The following NR1D1 variants were observed in gnomAD, a reference collection of about 807,000 sequenced individuals.
NR1D1 encodes the protein nuclear receptor subfamily 1 group D member 1.
A neutral mutation model predicts 51.1 loss-of-function variants in NR1D1; 17 were observed. That is an observed-to-expected ratio of 0.33 (90% confidence interval 0.23 to 0.50). The LOEUF is 0.50. Ranked by LOEUF, NR1D1 falls within the 20% of genes least tolerant of loss-of-function variation. The pLI, the probability that NR1D1 is intolerant of heterozygous loss-of-function variation, is 0.98. For missense variants in NR1D1, 647 were observed against 830.4 expected, an observed-to-expected ratio of 0.78 and a Z score of 2.71; for synonymous variants, 341 against 333.4, an observed-to-expected ratio of 1.02 and a Z score of -0.25.
In NR1D1 at chr17:40,099,091, G is replaced by A. The variant is rs925065104; in HGVS notation, c.31+973C>T. 3.9e-5 allele frequency among the ~76,000 whole-genome samples: 6 copies of A among 151,942 alleles called. No individual in the cohort carries two copies. In the East Asian group the frequency reaches 9.7e-4, roughly 25 times the overall value. On this transcript the variant is annotated intron_variant, in intron 1 of 7. Coordinates refer to ENST00000246672, the MANE Select transcript of NR1D1 (RefSeq NM_021724.5). ...AGCCCAGCTTCACCCAGATCTCGGC[G>A]GGGCGGGGCAGGGCGGGAGCTGGGC...
rs1246725332 is a variant in NR1D1 at position 40,097,193 on chromosome 17, G to A, written c.242C>T (p.Pro81Leu). The change falls in exon 2 of 8, where the codon CCT becomes CTT. Residue 81 changes from proline (P) to leucine (L), a missense_variant. Coordinates refer to ENST00000246672, the MANE Select transcript of NR1D1 (RefSeq NM_021724.5). ...TGACGACGAGGAAGATGAGGAAGAA[G>A]GGGAGCCGTCATCACTCAGGCTGGG... ...IPPSLSDDGSPSSSSSSSSSS... is the reference protein window; with the variant it reads ...IPPSLSDDGSLSSSSSSSSSS... The A allele has an allele frequency of 5.0e-6, 8 of 1,611,946 alleles. No homozygotes were observed. The highest frequency in any genetic ancestry group is 1.1e-5 in the South Asian group (1 of 90,894).
intron 1 of NR1D1, among the ~76,000 whole-genome samples, chr17:40,099,036 G>A (rs1230350547): frequency 1.3e-5 from 2 of 151,350 alleles, no homozygotes; most frequent in African/African-American, 2.4e-5. Context: ...CAGGCGGACC[G>A]GAAAAGGAGG....
intron 4 of NR1D1, 37 bp downstream of exon 4, chr17:40,096,406 C>A (rs759739738): frequency 6.8e-6 from 11 of 1,612,828 alleles, no homozygotes; most frequent in South Asian, 1.1e-5. Context: ...AAACTTTGGG[C>A]GGAAGAAGGG....
chr17:40,096,151 C>T, intron 4 of NR1D1, 64 bp from the exon 5 acceptor site: 1 of 1,568,182 alleles, frequency 6.4e-7, no homozygotes, highest in Non-Finnish European at 8.7e-7. Flanking sequence ...CTCTTCCTTC[C>T]TTCCTCCTGA....
rs747431988 is a variant in NR1D1 at position 40,096,814 on chromosome 17, G to A, written c.371-35C>T. ...AGACGGGCAGCAGGTGAGCAGGAGA[G>A]GCCAGGCTGAGTGGCCACAGGTGTG... On this transcript the variant is annotated intron_variant, in intron 2 of 7. Transcript: ENST00000246672. 6.9e-6 allele frequency: 11 copies of A among 1,605,014 alleles called. No individual in the cohort carries two copies. In the East Asian group the frequency reaches 2.5e-4, roughly 36 times the overall value.
chr17:40,093,796 G>C lies in NR1D1; in HGVS notation c.1645+116C>G, dbSNP rs1317538671. 28 of 870,804 alleles carry C rather than the reference G, an allele frequency of 3.2e-5. No homozygotes were observed. The highest frequency in any genetic ancestry group is 2.0e-4 in the Admixed American group (9 of 44,618). 53.9% of individuals were successfully genotyped at this position (870,804 alleles called of 1,614,324 possible). ...CCAAGCTAGACTGTGTCTGAATCAT[G>C]TCTGTATCCCCAGTGCCCGGTGCAG... On this transcript the variant is annotated intron_variant, in intron 7 of 7. Transcript: ENST00000246672. The surrounding 1 kb of genome is among the most constrained non-coding windows in gnomAD (Gnocchi z 5.9).
chr17:40,093,251 C>T lies in NR1D1; in HGVS notation c.1677G>A (p.Val559=). ...DRSGMENSAS[V]EQLQETLLRA... is the part of the protein sequence containing the mutation. ...GCAGCAGCGTCTCCTGGAGCTGCTC[C>T]ACCGAAGCGGAATTCTCCATGCCCG... The change falls in exon 8 of 8, where the codon GTG becomes GTA. Residue 559 remains valine (V), a synonymous_variant. Transcript: ENST00000246672. This position sits in a 1 kb window ranked among gnomAD's most constrained non-coding sequence, Gnocchi z 5.9. 3.1e-6 allele frequency: 5 copies of T among 1,613,748 alleles called. No individual in the cohort carries two copies. Among genetic ancestry groups the T allele is most frequent in the Non-Finnish European group, 4.2e-6 (5 of 1,180,036 alleles).
chr17:40,100,257 G>T lies in NR1D1; in HGVS notation c.-163C>A. Reference sequence around the variant, plus strand: ...CTGCAGCAAGGTCTTGGGGTGGCCGGACTGCAGCCCTGCAGAAGGGTTGGA... The same window carrying T: ...CTGCAGCAAGGTCTTGGGGTGGCCGTACTGCAGCCCTGCAGAAGGGTTGGA... On this transcript the variant is annotated 5_prime_UTR_variant, in exon 1 of 8. Transcript: ENST00000246672. The T allele has an allele frequency of 1.5e-6, 1 of 671,388 alleles. No individual in the cohort carries two copies. Among genetic ancestry groups the T allele is most frequent in the Non-Finnish European group, 2.7e-6 (1 of 367,572 alleles). The allele number at this position is 671,388 out of a possible 1,614,324, so 41.6% of individuals were successfully genotyped here. A position where few individuals can be genotyped will look rare whatever the true frequency, so the allele number is the denominator to read the frequency against.
chr17:40,095,178 C>T lies in NR1D1; in HGVS notation c.1249-58G>A, dbSNP rs775053159. 351 of 1,535,180 alleles carry T rather than the reference C, an allele frequency of 2.3e-4. 1 individual carries two copies. Among genetic ancestry groups the T allele is most frequent in the Non-Finnish European group, 2.8e-4 (320 of 1,126,646 alleles). On this transcript the variant is annotated intron_variant, in intron 5 of 7. Transcript: ENST00000246672. ...TCAGCCAGGCTGGGTCAGATGGACG[C>T]CCCGAGCAGAGCTGGACCCCAGATT...
rs757057484 is a variant in NR1D1 at position 40,095,583 on chromosome 17, G to A, written c.1109C>T (p.Pro370Leu). 1.1e-5 allele frequency: 18 copies of A among 1,611,002 alleles called. No individual in the cohort carries two copies. The highest frequency in any genetic ancestry group is 2.2e-5 in the South Asian group (2 of 90,616). The change falls in exon 5 of 8, where the codon CCT becomes CTT. Residue 370 changes from proline (P) to leucine (L), a missense_variant. By Grantham distance (98) the Pro-to-Leu change is moderately conservative. Transcript: ENST00000246672. ...GCAGCTGTGGTGTGCAGGGCCAGGA[G>A]GCCAGGTGGGAGGGTAGGAGGAGGG... ...QAPSSYPPTW[P>L]PGPAHHSCHQ... is the part of the protein sequence containing the mutation.
At position 40,093,409 on chromosome 17, in the gene NR1D1, GAGA is replaced by G. The variant is rs764648047; in HGVS notation, c.1646-130_1646-128del. ...GCCCCCCAGAAGGCCGATGGGGAAG[GAGA>G]AGGAGTGCCATACCTTCTCCCAGGC... On this transcript the variant is annotated intron_variant, in intron 7 of 7. Transcript: ENST00000246672. This position sits in a 1 kb window ranked among gnomAD's most constrained non-coding sequence, Gnocchi z 5.9. The G allele has an allele frequency of 5.6e-6, 9 of 1,598,100 alleles. No individual in the cohort carries two copies. The highest frequency in any genetic ancestry group is 1.7e-5 in the Admixed American group (1 of 58,804).
At chr17:40,098,807 G>A (rs945022322) in intron 1 of NR1D1, among the ~76,000 whole-genome samples, 4 of 152,206 alleles carry the variant, frequency 2.6e-5, no homozygotes, top group Admixed American at 2.0e-4. Context: ...AATGCTCGCA[G>A]AACTAAGGAG....
chr17:40,097,390 G>A lies in NR1D1; in HGVS notation c.45C>T (p.Thr15=), dbSNP rs746619399. Residue 15 remains threonine, a synonymous_variant, in exon 2 of 8, where the codon ACC becomes ACT. Coordinates refer to ENST00000246672, the MANE Select transcript of NR1D1 (RefSeq NM_021724.5). ...GGGAGGAGCCACTGGAGCCAATGTAGGTGATGACGCCACCTGGAGAGAGAA... is the reference window on the plus strand; with the variant it reads ...GGGAGGAGCCACTGGAGCCAATGTAAGTGATGACGCCACCTGGAGAGAGAA... ...DSNNNTGGVI[T]YIGSSGSSPS... 1.1e-5 allele frequency: 17 copies of A among 1,610,232 alleles called. No homozygotes were observed. In the South Asian group the frequency reaches 1.9e-4, roughly 18 times the overall value.
At chr17:40,099,670 A>T (rs1208944347) in intron 1 of NR1D1, among the ~76,000 whole-genome samples, 1 of 151,972 alleles carries the variant, frequency 6.6e-6, no homozygotes, top group East Asian at 1.9e-4. Context: ...GAGGGGGAAG[A>T]CAAGAGGGGA....
chr17:40,098,578 G>A (rs1161502838), intron 1 of NR1D1, among the ~76,000 whole-genome samples: 1 of 152,226 alleles, frequency 6.6e-6, no homozygotes, highest in Non-Finnish European at 1.5e-5. Context: ...CAACGTGGAA[G>A]TGAGGAGCAT....
At position 40,092,840 on chromosome 17, in the gene NR1D1, G is replaced by GGTTGTGGGGGAGACACAA; in HGVS notation, c.*242_*243insTTGTGTCTCCCCCACAAC. ...GAGACAGGAACAGAACAAATCAGAG[G>GGTTGTGGGGGAGACACAA]GCCAGGGGAGGGTTGTGGGGGAGAC... On this transcript the variant is annotated 3_prime_UTR_variant, in exon 8 of 8. Transcript: ENST00000246672. 1.1e-6 allele frequency: 1 copy of GGTTGTGGGGGAGACACAA among 870,952 alleles called. No individual in the cohort carries two copies. The highest frequency in any genetic ancestry group is 1.9e-5 in the South Asian group (1 of 53,888). The allele number at this position is 870,952 out of a possible 1,614,324, so 54.0% of individuals were successfully genotyped here.
chr17:40,094,512 C>A (rs183443704), intron 6 of NR1D1, among the ~76,000 whole-genome samples: 13 of 152,226 alleles, frequency 8.5e-5, no homozygotes, highest in Non-Finnish European at 1.5e-4. Flanking sequence ...ACCAATCAGG[C>A]TATAAGGACA....
In NR1D1 at chr17:40,094,844, G is replaced by C. The variant is rs1458170518; in HGVS notation, c.1434+91C>G. On this transcript the variant is annotated intron_variant, in intron 6 of 7. Transcript: ENST00000246672. ...ACCCAGGAGGTGGAGGTTGCAGTGA[G>C]TGGAGATCGCACCATTGCACTCCAG... 8.2e-6 allele frequency: 10 copies of C among 1,221,684 alleles called. No homozygotes were observed. The Admixed American group carries it at 2.1e-4, about 25-fold the overall frequency. The allele number at this position is 1,221,684 out of a possible 1,614,324, so 75.7% of individuals were successfully genotyped here.
At position 40,092,847 on chromosome 17, in the gene NR1D1, G is replaced by T. The variant is rs201812431; in HGVS notation, c.*236C>A. On this transcript the variant is annotated 3_prime_UTR_variant, in exon 8 of 8. Transcript: ENST00000246672. Reference sequence around the variant, plus strand: ...GAACAGAACAAATCAGAGGGCCAGGGGAGGGTTGTGGGGGAGACAGAGTGG... The same window carrying T: ...GAACAGAACAAATCAGAGGGCCAGGTGAGGGTTGTGGGGGAGACAGAGTGG... The T allele has an allele frequency of 1.8e-5, 16 of 912,706 alleles. No individual in the cohort carries two copies. Among genetic ancestry groups the T allele is most frequent in the Non-Finnish European group, 2.6e-5 (16 of 620,976 alleles). 56.5% of individuals were successfully genotyped at this position (912,706 alleles called of 1,614,324 possible). A position where few individuals can be genotyped will look rare whatever the true frequency, so the allele number is the denominator to read the frequency against.
Sources: allele counts gnomAD v4.1 joint callset (sites outside exome capture counted in the v4.1 genomes callset), GRCh38; gene constraint gnomAD v4.1.1; non-coding constraint Gnocchi (gnomAD v3.1); transcripts MANE v1.5; gene names NCBI Gene and HGNC (gene_info 2026-07-23, HGNC 2026-07-21).